KDM2A: variants seen among roughly 807,000 people sequenced by gnomAD.
KDM2A encodes the protein lysine demethylase 2A.
A neutral mutation model predicts 137.3 loss-of-function variants in KDM2A; 3 were observed. The ratio of observed to expected loss-of-function variants is 0.02; its 90% CI spans 0.01 to 0.06. The LOEUF (loss-of-function observed/expected upper bound fraction) is 0.06, where lower values mean the gene tolerates loss of function less well. Among genes scored for constraint, KDM2A ranks in the 10% least tolerant of loss-of-function variants. The pLI, the probability that KDM2A is intolerant of heterozygous loss-of-function variation, is 1.00. For synonymous variants in KDM2A, 512 were observed against 541.5 expected (o/e 0.95, Z 0.76); for missense variants, 738 against 1,510.6 (o/e 0.49, Z 8.48).
In KDM2A at chr11:67,258,040, T is replaced by C. The variant is rs1409672888; in HGVS notation, c.*2985T>C. 1 of 151,726 alleles carries C rather than the reference T, an allele frequency of 6.6e-6. No homozygotes were observed. The highest frequency in any genetic ancestry group is 2.4e-5 in the African/African-American group (1 of 41,246). 9.4% of individuals were successfully genotyped at this position (151,726 alleles called of 1,614,324 possible). Reference sequence around the variant, plus strand: ...TTTAGGTTTTGTTTTTGTTTGGGGGTTTTTGTTTTTTTAAAAAAATAAAAA... The same window carrying C: ...TTTAGGTTTTGTTTTTGTTTGGGGGCTTTTGTTTTTTTAAAAAAATAAAAA... On this transcript the variant is annotated 3_prime_UTR_variant, in exon 21 of 21. Coordinates refer to ENST00000529006, the MANE Select transcript of KDM2A (RefSeq NM_012308.3).
At chr11:67,184,486 G>A (rs1857158741) in intron 5 of KDM2A, among the ~76,000 whole-genome samples, 1 of 152,136 alleles carries the variant, frequency 6.6e-6, no homozygotes, top group Non-Finnish European at 1.5e-5. Context: ...AAATTAGCTG[G>A]GCGTGGTGGT....
intron 2 of KDM2A, among the ~76,000 whole-genome samples, chr11:67,124,756 C>T (rs1321753855): frequency 6.6e-6 from 1 of 150,708 alleles, no homozygotes; most frequent in Non-Finnish European, 1.5e-5. Flanking sequence ...TTGTTGCATA[C>T]ATTAACCCTT....
intron 2 of KDM2A, among the ~76,000 whole-genome samples, chr11:67,126,633 G>A (rs1484250924): frequency 1.3e-5 from 2 of 151,508 alleles, no homozygotes; most frequent in Non-Finnish European, 2.9e-5. Flanking sequence ...GCTTGAACTC[G>A]GGAGGTGGAG....
intron 2 of KDM2A, among the ~76,000 whole-genome samples, chr11:67,135,147 C>T (rs1359384249): frequency 6.6e-6 from 1 of 151,722 alleles, no homozygotes; most frequent in African/African-American, 2.4e-5. Context: ...CGTCTCACCA[C>T]AACCTCCGCC....
At chr11:67,141,744 G>A (rs937640244) in intron 2 of KDM2A, among the ~76,000 whole-genome samples, 4 of 144,520 alleles carry the variant, frequency 2.8e-5, no homozygotes, top group African/African-American at 1.0e-4. Flanking sequence ...CCCTACTTAC[G>A]ATTGAGCTTC....
intron 5 of KDM2A, among the ~76,000 whole-genome samples, chr11:67,199,316 T>A (rs550829236): frequency 2.0e-5 from 3 of 152,240 alleles, no homozygotes; most frequent in Admixed American, 1.3e-4. Context: ...GAGTCCCACC[T>A]CTCTCACTTT....
chr11:67,208,998 C>T (rs1230706816), intron 6 of KDM2A, among the ~76,000 whole-genome samples: 2 of 151,726 alleles, frequency 1.3e-5, no homozygotes, highest in Admixed American at 6.6e-5. Flanking sequence ...TGCGGTGGCA[C>T]GATCTCGGTT....
chr11:67,222,318 A>G (rs1858387959), intron 10 of KDM2A, among the ~76,000 whole-genome samples: 2 of 55,570 alleles, frequency 3.6e-5, no homozygotes, highest in African/African-American at 1.4e-4. Context: ...AACAAAGCAC[A>G]TCTTGCACCG....
At chr11:67,120,235 G>A (rs773793978) in intron 1 of KDM2A, among the ~76,000 whole-genome samples, 186 bp downstream of exon 1, 1 of 152,182 alleles carries the variant, frequency 6.6e-6, no homozygotes, top group Admixed American at 6.5e-5. Flanking sequence ...GGCGGTCGTC[G>A]CCCAGGGGGT....
chr11:67,255,189 T>C lies in KDM2A; in HGVS notation c.*134T>C. ...CTCTGCTCTCCTGTCCCTTGAGCCC[T>C]TCCTCTACAGGTGGGGCAGAGAGGG... is the stretch of plus-strand genomic sequence containing the variant. On this transcript the variant is annotated 3_prime_UTR_variant, in exon 21 of 21. Transcript: ENST00000529006. The C allele has an allele frequency of 1.3e-6, 1 of 762,186 alleles. No homozygotes were observed. The highest frequency in any genetic ancestry group is 2.1e-6 in the Non-Finnish European group (1 of 476,374). The allele number at this position is 762,186 out of a possible 1,614,324, so 47.2% of individuals were successfully genotyped here. A position where few individuals can be genotyped will look rare whatever the true frequency, so the allele number is the denominator to read the frequency against.
chr11:67,135,583 A>G lies in KDM2A; in HGVS notation c.42+14225A>G, dbSNP rs1193446275. Among the ~76,000 whole-genome samples the G allele has an allele frequency of 2.0e-5, 3 of 152,248 alleles. No individual in the cohort carries two copies. The South Asian group carries it at 6.2e-4, about 31-fold the overall frequency. On this transcript the variant is annotated intron_variant, in intron 2 of 20. Transcript: ENST00000529006. ...TAGCAACTTTTTTGTTTGTCAAGGC[A>G]GTAATCTGCGTAAATGACTCGTTTC...
chr11:67,228,318 C>G (rs1440475717), intron 11 of KDM2A, among the ~76,000 whole-genome samples, 155 bp downstream of exon 11: 1 of 152,110 alleles, frequency 6.6e-6, no homozygotes, highest in Non-Finnish European at 1.5e-5. Context: ...TACCAGTTAC[C>G]TACCCAGATG....
chr11:67,235,257 T>C (rs1044405475), intron 12 of KDM2A, among the ~76,000 whole-genome samples: 1 of 151,652 alleles, frequency 6.6e-6, no homozygotes, highest in Non-Finnish European at 1.5e-5. Flanking sequence ...TAATGTTGAC[T>C]CTTGAAAGTG....
chr11:67,148,742 A>C (rs1316636125), intron 2 of KDM2A, among the ~76,000 whole-genome samples: 2 of 152,154 alleles, frequency 1.3e-5, no homozygotes, highest in Admixed American at 1.3e-4. Context: ...TGGAGGTTGC[A>C]GTGAGCTGAG....
At chr11:67,181,224 C>T in intron 3 of KDM2A, 96 bp from the exon 4 acceptor site, 1 of 654,730 alleles carries the variant, frequency 1.5e-6, no homozygotes, top group Non-Finnish European at 2.6e-6. Flanking sequence ...GAATAACAAA[C>T]ACCATTTATA....
chr11:67,162,344 C>T (rs1856654002), intron 2 of KDM2A, among the ~76,000 whole-genome samples: 1 of 152,074 alleles, frequency 6.6e-6, no homozygotes, highest in African/African-American at 2.4e-5. Context: ...CTCACTTCTC[C>T]TGAAGCACCC....
rs918998273 is a variant in KDM2A at position 67,179,268 on chromosome 11, GT to G, written c.43-807del. ...CTATTTGGAATGCTGGGTTTTTTTTGTTTTGTTTTGTTTTGTTTTTTTGAGA... is the reference window on the plus strand; with the variant it reads ...CTATTTGGAATGCTGGGTTTTTTTTGTTTGTTTTGTTTTGTTTTTTTGAGA... On this transcript the variant is annotated intron_variant, in intron 2 of 20. Transcript: ENST00000529006. Among the ~76,000 whole-genome samples, 11 of 151,794 alleles carry G rather than the reference GT, an allele frequency of 7.2e-5. No individual in the cohort carries two copies. In the East Asian group the frequency reaches 2.1e-3, roughly 29 times the overall value.
chr11:67,182,985 C>A (rs938267180), intron 5 of KDM2A, among the ~76,000 whole-genome samples: 4 of 152,212 alleles, frequency 2.6e-5, no homozygotes, highest in African/African-American at 9.6e-5. Context: ...TACTGCAGTA[C>A]TATCTCCTGG....
At chr11:67,132,152 C>T (rs2136284515) in intron 2 of KDM2A, 1 of 152,262 alleles carries the variant, frequency 6.6e-6, no homozygotes, top group Non-Finnish European at 1.5e-5. Flanking sequence ...TACTATAAGG[C>T]CTATTCTGTG....
Sources: gnomAD v4.1 joint callset for allele counts (sites outside exome capture counted in the v4.1 genomes callset) on GRCh38, gnomAD v4.1.1 for gene constraint, MANE v1.5 for transcripts, NCBI Gene and HGNC (gene_info 2026-07-23, HGNC 2026-07-21) for gene names.